The following CACNA1E variants were observed in gnomAD, a reference collection of about 807,000 sequenced individuals.
CACNA1E encodes the protein calcium voltage-gated channel subunit alpha1 E.
CACNA1E carries 40 observed loss-of-function variants against 259.2 expected under a neutral mutation model. The observed-to-expected ratio is 0.15, with a 90% confidence interval of 0.12 to 0.20. The LOEUF is 0.20. CACNA1E is among the 10% of genes least tolerant of loss of function. The pLI, the probability that CACNA1E is intolerant of heterozygous loss-of-function variation, is 1.00. For missense variants in CACNA1E, 1,874 were observed against 3,040.1 expected (o/e 0.62, Z 9.02); for synonymous variants, 1,104 against 1,138.5 (o/e 0.97, Z 0.61).
intron 6 of CACNA1E, among the ~76,000 whole-genome samples, chr1:181,625,591 C>T (rs1165497569): frequency 9.2e-5 from 14 of 152,162 alleles, no homozygotes; most frequent in Non-Finnish European, 4.4e-5. Flanking sequence ...CTTTATTAGC[C>T]TTCACAGAAT....
At chr1:181,612,219 G>T (rs1654812831) in intron 6 of CACNA1E, among the ~76,000 whole-genome samples, 1 of 152,198 alleles carries the variant, frequency 6.6e-6, no homozygotes, top group Non-Finnish European at 1.5e-5. Context: ...CCAAGGGCTG[G>T]ACTTTCAGGT....
At chr1:181,770,197 T>A (rs905016662) in intron 35 of CACNA1E, among the ~76,000 whole-genome samples, 1 of 152,180 alleles carries the variant, frequency 6.6e-6, no homozygotes, top group Non-Finnish European at 1.5e-5. Context: ...TGAAGCATGT[T>A]CAATGCAGGC....
intron 44 of CACNA1E, among the ~76,000 whole-genome samples, chr1:181,792,018 C>G (rs1661361546): frequency 6.6e-6 from 1 of 151,824 alleles, no homozygotes; most frequent in African/African-American, 2.4e-5. Context: ...GAGCAATTGA[C>G]TGCCTGAGGG....
intron 3 of CACNA1E, among the ~76,000 whole-genome samples, chr1:181,531,818 G>A (rs1055711343): frequency 1.3e-5 from 2 of 152,236 alleles, no homozygotes; most frequent in East Asian, 1.9e-4. Flanking sequence ...ACTTTGGGAG[G>A]CCAAGGCGGG....
At chr1:181,476,089 AG>A (rs1662830466) in intron 2 of CACNA1E, among the ~76,000 whole-genome samples, 1 of 151,964 alleles carries the variant, frequency 6.6e-6, no homozygotes, top group Non-Finnish European at 1.5e-5. Context: ...CTCTGAGGAG[AG>A]GGGGAGGTCA....
At position 181,720,234 on chromosome 1, in the gene CACNA1E, G is replaced by A; in HGVS notation, c.1780G>A (p.Val594Ile). The A allele has an allele frequency of 6.2e-7, 1 of 1,613,914 alleles. No homozygotes were observed. Among genetic ancestry groups the A allele is most frequent in the Non-Finnish European group, 8.5e-7 (1 of 1,179,868 alleles). ...KYWASLRNLV[V>I]SLMSSMKSII... is the part of the protein sequence containing the mutation. The stretch of plus-strand genomic sequence containing the variant: ...TTGGGCTTCCCTACGGAATTTGGTG[G>A]TCTCCTTGATGAGCTCAATGAAGTC... Residue 594 changes from valine (V) to isoleucine (I), a missense_variant, in exon 14 of 48, where the codon GTC becomes ATC. Val to Ile is a conservative substitution (Grantham distance 29). Transcript: ENST00000367573.
intron 6 of CACNA1E, 45 bp downstream of exon 6, chr1:181,580,821 T>C (rs1651442226): frequency 1.9e-6 from 3 of 1,574,344 alleles, no homozygotes; most frequent in East Asian, 2.2e-5. Flanking sequence ...GGAAGAACCC[T>C]GGATGGAGGC....
intron 1 of CACNA1E, among the ~76,000 whole-genome samples, chr1:181,339,998 T>C (rs1019580967): frequency 6.6e-6 from 1 of 152,068 alleles, no homozygotes; most frequent in Non-Finnish European, 1.5e-5. Context: ...CTCTTTATTA[T>C]TGTGTCTTGG....
chr1:181,773,417 C>T (rs950918320), intron 37 of CACNA1E, among the ~76,000 whole-genome samples: 5 of 152,152 alleles, frequency 3.3e-5, no homozygotes, highest in East Asian at 1.9e-4. Flanking sequence ...ATTTTATACA[C>T]AATGAACTGA....
At chr1:181,425,010 C>T (rs1392521162) in intron 2 of CACNA1E, among the ~76,000 whole-genome samples, 1 of 152,218 alleles carries the variant, frequency 6.6e-6, no homozygotes, top group Non-Finnish European at 1.5e-5. Flanking sequence ...AATTCTGCCC[C>T]CAGCCACCTT....
intron 1 of CACNA1E, among the ~76,000 whole-genome samples, chr1:181,347,265 A>G (rs965847895): frequency 2.0e-5 from 3 of 152,122 alleles, no homozygotes; most frequent in Non-Finnish European, 4.4e-5. Context: ...GGGTTTGTCT[A>G]ATTTTCTGTA....
rs953144831 is a variant in CACNA1E at position 181,466,653 on chromosome 1, G to C, written c.435-17091G>C. Among the ~76,000 whole-genome samples, 4 of 152,140 alleles carry C rather than the reference G, an allele frequency of 2.6e-5. No homozygotes were observed. In the South Asian group the frequency reaches 8.3e-4, roughly 31 times the overall value. On this transcript the variant is annotated intron_variant, in intron 2 of 11. Transcript: ENST00000524607. ...GTTACCAGGACTAGTTACTGCCTAT[G>C]GGACAGCTGCAATTTCAATTCACAC... is the stretch of plus-strand genomic sequence containing the variant.
chr1:181,762,171 C>G (rs188334892), intron 32 of CACNA1E, among the ~76,000 whole-genome samples: 51 of 152,334 alleles, frequency 3.3e-4, no homozygotes, highest in Non-Finnish European at 8.8e-5. Flanking sequence ...TTCACAGGTA[C>G]AAACGTTTCC....
intron 25 of CACNA1E, among the ~76,000 whole-genome samples, chr1:181,740,096 A>G (rs12562587): frequency 0.18 from 27,523 of 151,992 alleles, 2,706 homozygotes; most frequent in African/African-American, 0.27. Flanking sequence ...TACCTTGTTC[A>G]CCCTGAGCAG....
At chr1:181,779,007 G>A (rs1660193772) in intron 38 of CACNA1E, among the ~76,000 whole-genome samples, 1 of 152,258 alleles carries the variant, frequency 6.6e-6, no homozygotes, top group Non-Finnish European at 1.5e-5. Flanking sequence ...CTGAGTAACT[G>A]ACTGTAATCA....
intron 6 of CACNA1E, among the ~76,000 whole-genome samples, chr1:181,639,108 G>A (rs545178251): frequency 1.3e-5 from 2 of 149,058 alleles, no homozygotes; most frequent in African/African-American, 5.0e-5. Flanking sequence ...TTTTTTTTGA[G>A]ATGGAGTCTC....
intron 1 of CACNA1E, among the ~76,000 whole-genome samples, chr1:181,348,948 A>G (rs1204615064): frequency 6.6e-6 from 1 of 152,158 alleles, no homozygotes; most frequent in Non-Finnish European, 1.5e-5. Context: ...CAGGACTGGA[A>G]CCCAGGACCC....
chr1:181,439,535 G>A (rs1660315236), intron 2 of CACNA1E, among the ~76,000 whole-genome samples: 1 of 152,144 alleles, frequency 6.6e-6, no homozygotes, highest in Admixed American at 6.5e-5. Flanking sequence ...GGACAGGGCT[G>A]CAACTCAGTC....
intron 1 of CACNA1E, among the ~76,000 whole-genome samples, chr1:181,493,930 C>T (rs1393354173): frequency 6.6e-6 from 1 of 152,234 alleles, no homozygotes; most frequent in African/African-American, 2.4e-5. Flanking sequence ...CGCCAGCTTT[C>T]CTTGACCACT....
Sources: gnomAD v4.1 joint callset for allele counts (sites outside exome capture counted in the v4.1 genomes callset) on GRCh38, gnomAD v4.1.1 for gene constraint, MANE v1.5 for transcripts, NCBI Gene and HGNC (gene_info 2026-07-23, HGNC 2026-07-21) for gene names.